PODXL: variants seen among roughly 807,000 people sequenced by gnomAD.
PODXL encodes the protein podocalyxin.
PODXL carries 20 observed loss-of-function variants against 48.9 expected under a neutral mutation model. The observed-to-expected ratio is 0.41, with a 90% confidence interval of 0.29 to 0.59. The LOEUF is 0.59. PODXL is among the 20% of genes least tolerant of loss of function. The pLI, the probability that PODXL is intolerant of heterozygous loss-of-function variation, is 0.31. For missense variants in PODXL, 606 were observed against 675.1 expected (o/e 0.90, Z 1.13); for synonymous variants, 295 against 287.4 (o/e 1.03, Z -0.27).
chr7:131,525,426 CAAAAA>C lies in PODXL; in HGVS notation c.101-13998_101-13994del, dbSNP rs57927217. On this transcript the variant is annotated intron_variant, in intron 1 of 8. Coordinates refer to ENST00000378555, the MANE Select transcript of PODXL (RefSeq NM_001018111.3). ...CAACATGGCAAAACCTCATCTCTAC[CAAAAA>C]AAAAAAAAAAAAAAAAAAAAATACA... Among the ~76,000 whole-genome samples, 135 of 59,228 alleles carry C rather than the reference CAAAAA, an allele frequency of 2.3e-3. 1 individual carries two copies. The highest frequency in any genetic ancestry group is 8.4e-3 in the Admixed American group (30 of 3,558). The allele number at this position is 59,228 out of a possible 152,430, so 38.9% of individuals were successfully genotyped here. A position where few individuals can be genotyped will look rare whatever the true frequency, so the allele number is the denominator to read the frequency against.
chr7:131,507,073 G>C (rs1462770941), intron 5 of PODXL: 1 of 255,174 alleles, frequency 3.9e-6, no homozygotes, highest in East Asian at 9.2e-5. Flanking sequence ...CCCTAGAACG[G>C]GCTAGAGAGG....
Position 131,502,923 on chromosome 7 carries a change from AG to A in PODXL, c.*1387del, listed in dbSNP as rs1797732187. The A allele has an allele frequency of 6.5e-6, 1 of 152,796 alleles. No homozygotes were observed. The highest frequency in any genetic ancestry group is 2.4e-5 in the African/African-American group (1 of 41,470). The allele number at this position is 152,796 out of a possible 1,614,324, so 9.5% of individuals were successfully genotyped here. A position where few individuals can be genotyped will look rare whatever the true frequency, so the allele number is the denominator to read the frequency against. On this transcript the variant is annotated 3_prime_UTR_variant, in exon 9 of 9. Coordinates refer to ENST00000378555, the MANE Select transcript of PODXL (RefSeq NM_001018111.3). ...AGGCTCACAGAGAAGAGGAACAGCA[AG>A]GCCTAGCTCCAGGCCAGGACAGTGG...
At chr7:131,548,234 C>A (rs1050481234) in intron 1 of PODXL, among the ~76,000 whole-genome samples, 1 of 152,250 alleles carries the variant, frequency 6.6e-6, no homozygotes. Context: ...AAGGTGAGGA[C>A]AGAGGGCAGC....
chr7:131,511,537 T>C, intron 1 of PODXL, 104 bp from the exon 2 acceptor site: 1 of 1,210,592 alleles, frequency 8.3e-7, no homozygotes, highest in South Asian at 1.4e-5. Context: ...GCAGCCCTGC[T>C]GTCTGCCTTG....
At position 131,518,590 on chromosome 7, in the gene PODXL, T is replaced by C. The variant is rs187649107; in HGVS notation, c.101-7157A>G. ...TGGGGAATCCCCTGGGTTCTAGCCA[T>C]ATTCCTTCCTGCTTCATTATTTAGC... On this transcript the variant is annotated intron_variant, in intron 1 of 8. Transcript: ENST00000378555. 2.2e-3 allele frequency among the ~76,000 whole-genome samples: 336 copies of C among 152,336 alleles called. 2 individuals are homozygous for C. The highest frequency in any genetic ancestry group is 6.8e-3 in the Middle Eastern group (2 of 294).
At chr7:131,554,417 C>A (rs1347258827) in intron 1 of PODXL, among the ~76,000 whole-genome samples, 1 of 152,196 alleles carries the variant, frequency 6.6e-6, no homozygotes, top group African/African-American at 2.4e-5. Context: ...CTCAGATAGG[C>A]CAAGTTACTT....
intron 1 of PODXL, among the ~76,000 whole-genome samples, chr7:131,553,730 G>C (rs1418947326): frequency 6.6e-6 from 1 of 152,184 alleles, no homozygotes; most frequent in African/African-American, 2.4e-5. Context: ...TTGAACATCA[G>C]ATTGAGAGTA....
intron 1 of PODXL, among the ~76,000 whole-genome samples, chr7:131,512,134 T>C (rs1458740658): frequency 6.6e-6 from 1 of 152,222 alleles, no homozygotes; most frequent in Non-Finnish European, 1.5e-5. Flanking sequence ...ATTTCAGTAC[T>C]AGGTGAGCTG....
chr7:131,555,964 T>C (rs905881133), intron 1 of PODXL, among the ~76,000 whole-genome samples: 4 of 152,174 alleles, frequency 2.6e-5, no homozygotes, highest in Admixed American at 6.5e-5. Flanking sequence ...CCCTTTTCTT[T>C]CCCATGCAAA....
At chr7:131,553,692 T>C (rs766929292) in intron 1 of PODXL, among the ~76,000 whole-genome samples, 3 of 152,212 alleles carry the variant, frequency 2.0e-5, no homozygotes, top group Non-Finnish European at 4.4e-5. Context: ...CCCACCAAGC[T>C]GCCTTTCTGT....
chr7:131,503,159 T>C lies in PODXL; in HGVS notation c.*1152A>G, dbSNP rs1298839025. On this transcript the variant is annotated 3_prime_UTR_variant, in exon 9 of 9. Transcript: ENST00000378555. ...TAACAAAACTCTCAGCAACTTGAAA[T>C]GTCCCTGAGTTTCCTATGATATACA... The C allele has an allele frequency of 6.6e-6, 1 of 152,662 alleles. No homozygotes were observed. The highest frequency in any genetic ancestry group is 1.9e-4 in the East Asian group (1 of 5,186). The allele number at this position is 152,662 out of a possible 1,614,324, so 9.5% of individuals were successfully genotyped here.
At chr7:131,514,508 C>T (rs765519690) in intron 1 of PODXL, among the ~76,000 whole-genome samples, 3 of 151,866 alleles carry the variant, frequency 2.0e-5, no homozygotes, top group Non-Finnish European at 4.4e-5. Context: ...GTGCTTCTTA[C>T]TATTGATGGC....
At chr7:131,520,071 A>C (rs187177180) in intron 1 of PODXL, 57 of 188,662 alleles carry the variant, frequency 3.0e-4, no homozygotes, top group African/African-American at 1.2e-3. Flanking sequence ...GACTCAAGGA[A>C]AACGGAAATA....
intron 8 of PODXL, 81 bp downstream of exon 8, chr7:131,505,787 C>T: frequency 2.2e-6 from 3 of 1,370,450 alleles, no homozygotes; most frequent in Non-Finnish European, 2.9e-6. Context: ...CTTTCCTCTT[C>T]TGCAACTCGG....
At chr7:131,531,914 C>T (rs548567974) in intron 1 of PODXL, among the ~76,000 whole-genome samples, 103 of 150,390 alleles carry the variant, frequency 6.8e-4, no homozygotes, top group African/African-American at 2.4e-3. Flanking sequence ...AGTTTGAGAC[C>T]ACCCTGACCA....
chr7:131,508,984 C>T lies in PODXL; in HGVS notation c.1068G>A (p.Gln356=). 1 of 1,614,022 alleles carries T rather than the reference C, an allele frequency of 6.2e-7. No homozygotes were observed. The part of the protein sequence containing the change: ...DLETQTQSEK[Q]LVLNLTGNTL... ...TGTTTCCTGTGAGGTTCAGGACGAG[C>T]TGCTTCTCACTCTGTGTCTGTGTCT... The change falls in exon 5 of 9, where the codon CAG becomes CAA. Residue 356 remains glutamine, a synonymous_variant. Coordinates refer to ENST00000378555, the MANE Select transcript of PODXL (RefSeq NM_001018111.3).
At chr7:131,542,242 C>A (rs561925868) in intron 1 of PODXL, among the ~76,000 whole-genome samples, 171 of 152,352 alleles carry the variant, frequency 1.1e-3, no homozygotes, top group Non-Finnish European at 2.1e-3. Context: ...CCCGTTCTCT[C>A]TCTGCCCTCT....
rs1278357127 is a variant in PODXL, at chr7:131,505,921, C to T, written c.1426G>A (p.Val476Met). The T allele has an allele frequency of 1.0e-5, 16 of 1,591,350 alleles. No homozygotes were observed. Among genetic ancestry groups the T allele is most frequent in the South Asian group, 1.1e-5 (1 of 87,350 alleles). Residue 476 changes from valine to methionine, a missense_variant, in exon 8 of 9, where the codon GTG becomes ATG. Physicochemically the swap from Val to Met is conservative, Grantham distance 21. Transcript: ENST00000378555. ...IVCMASFLLL[V>M]AALYGCCHQR... ...TGGCAGCAGCCATAGAGGGCCGCCA[C>T]GAGGAGCAGGAATGATGCCATGCAG...
intron 1 of PODXL, among the ~76,000 whole-genome samples, chr7:131,546,101 C>T (rs528984366): frequency 4.6e-5 from 7 of 152,218 alleles, no homozygotes; most frequent in Non-Finnish European, 8.8e-5. Flanking sequence ...CCCTCCCTTT[C>T]CTGAGAAGGA....
Sources: gnomAD v4.1 joint callset for allele counts (sites outside exome capture counted in the v4.1 genomes callset) on GRCh38, gnomAD v4.1.1 for gene constraint, MANE v1.5 for transcripts, NCBI Gene and HGNC (gene_info 2026-07-23, HGNC 2026-07-21) for gene names.